Variants in KIAA1217 observed in about 807,000 individuals in gnomAD.
KIAA1217 encodes KIAA1217, also known as sickle tail protein homolog.
In KIAA1217, 88 loss-of-function variants were observed where a neutral mutation model predicts 163.9. The observed-to-expected ratio is 0.54, with a 90% CI of 0.45 to 0.64. The LOEUF is 0.64. Among genes scored for constraint, KIAA1217 ranks in the 30% least tolerant of loss-of-function variants. The pLI is 0.00. For missense variants in KIAA1217, 2,372 were observed against 2,475.0 expected (o/e 0.96, Z 0.88); for synonymous variants, 903 against 923.1 (o/e 0.98, Z 0.39).
intron 1 of KIAA1217, among the ~76,000 whole-genome samples, chr10:23,699,169 G>A (rs973076359): frequency 2.6e-5 from 4 of 152,204 alleles, no homozygotes; most frequent in Non-Finnish European, 5.9e-5. Context: ...CTGAGGACAG[G>A]GCAGCAAAGG....
rs1241004091 is a variant in KIAA1217, at chr10:23,704,146, A to ATGTGTGTGTG, written c.-321+8930_-321+8939dup. Among the ~76,000 whole-genome samples, 41 of 64,862 alleles carry ATGTGTGTGTG rather than the reference A, an allele frequency of 6.3e-4. 1 individual carries two copies. Among genetic ancestry groups the ATGTGTGTGTG allele is most frequent in the South Asian group, 3.2e-3 (5 of 1,556 alleles). The allele number at this position is 64,862 out of a possible 152,430, so 42.6% of individuals were successfully genotyped here. On this transcript the variant is annotated intron_variant, in intron 1 of 18. Transcript: ENST00000376462. ...CATATATGCATGTATGTGTGTGTGTATGTGTGTGTGTGTGTGTGTGTGTGT... is the reference window on the plus strand; with the variant it reads ...CATATATGCATGTATGTGTGTGTGTATGTGTGTGTGTGTGTGTGTGTGTGTGTGTGTGTGT...
chr10:24,106,300 G>A (rs188989852), intron 2 of KIAA1217, among the ~76,000 whole-genome samples: 21 of 152,166 alleles, frequency 1.4e-4, no homozygotes, highest in African/African-American at 5.1e-4. Flanking sequence ...ACTAACCAAT[G>A]AGATATAAGT....
At chr10:24,513,215 C>A (rs774931031) in intron 9 of KIAA1217, 44 bp from the exon 10 acceptor site, 2 of 1,593,646 alleles carry the variant, frequency 1.3e-6, no homozygotes, top group Admixed American at 1.7e-5. Flanking sequence ...GCCTCCATTT[C>A]AGGCAGGCAG....
chr10:23,756,993 T>C (rs191179680), intron 1 of KIAA1217, among the ~76,000 whole-genome samples: 66 of 152,338 alleles, frequency 4.3e-4, no homozygotes, highest in Admixed American at 3.3e-4. Flanking sequence ...TGTGGCTGAC[T>C]TGTTTTGCTT....
chr10:24,449,394 G>A lies in KIAA1217; in HGVS notation c.846+10915G>A, dbSNP rs988977501. On this transcript the variant is annotated intron_variant, in intron 5 of 20. Transcript: ENST00000376454. ...GCCATATTGTATTTATAAACATCACGTGTTTCCTTGATATGGCTTGCAGTT... is the reference window on the plus strand; with the variant it reads ...GCCATATTGTATTTATAAACATCACATGTTTCCTTGATATGGCTTGCAGTT... 7.0e-6 allele frequency: 6 copies of A among 855,032 alleles called. No individual in the cohort carries two copies. The South Asian group carries it at 2.7e-4, about 38-fold the overall frequency. The allele number at this position is 855,032 out of a possible 1,614,324, so 53.0% of individuals were successfully genotyped here.
At chr10:24,179,458 C>T (rs1309398423) in intron 2 of KIAA1217, among the ~76,000 whole-genome samples, 2 of 152,178 alleles carry the variant, frequency 1.3e-5, no homozygotes, top group Non-Finnish European at 2.9e-5. Context: ...GGCTGCTTGC[C>T]CTCCACCTTT....
intron 1 of KIAA1217, among the ~76,000 whole-genome samples, chr10:23,869,274 G>A (rs1840348743): frequency 6.6e-6 from 1 of 151,744 alleles, no homozygotes; most frequent in Non-Finnish European, 1.5e-5. Flanking sequence ...CGTCTTGAAG[G>A]AAAAGTGAGT....
intron 2 of KIAA1217, among the ~76,000 whole-genome samples, chr10:24,337,650 C>CTTTTCT (rs1554821347): frequency 0.033 from 1,328 of 40,680 alleles, 26 homozygotes; most frequent in East Asian, 0.089. Flanking sequence ...CTTTTCTTTT[C>CTTTTCT]TTTTTTTTTT....
chr10:24,423,486 G>A (rs1252806416), intron 3 of KIAA1217, among the ~76,000 whole-genome samples: 1 of 151,718 alleles, frequency 6.6e-6, no homozygotes, highest in Non-Finnish European at 1.5e-5. Context: ...TTGAGAGGGA[G>A]TCTTGCTCTG....
rs947494763 is a variant in KIAA1217, at chr10:24,510,355, G to A, written c.2002-2904G>A. Among the ~76,000 whole-genome samples, 9 of 152,202 alleles carry A rather than the reference G, an allele frequency of 5.9e-5. No homozygotes were observed. In the East Asian group the frequency reaches 9.7e-4, roughly 16 times the overall value. ...CTATCTAACCAGACCCCAGATTTAC[G>A]TAAGCTTGTTTTAAAATTTGGGCAG... On this transcript the variant is annotated intron_variant, in intron 9 of 20. Coordinates refer to ENST00000376454, the MANE Select transcript of KIAA1217 (RefSeq NM_019590.5).
intron 1 of KIAA1217, among the ~76,000 whole-genome samples, chr10:23,849,272 T>G (rs1217089722): frequency 6.6e-6 from 1 of 152,092 alleles, no homozygotes; most frequent in Admixed American, 6.6e-5. Flanking sequence ...GCTAGAAGCT[T>G]GGGCTTTATT....
intron 2 of KIAA1217, among the ~76,000 whole-genome samples, chr10:24,270,662 G>T (rs1037198008): frequency 6.6e-6 from 1 of 151,968 alleles, no homozygotes; most frequent in African/African-American, 2.4e-5. Flanking sequence ...TGCCTCAGCC[G>T]CCTAAGTAAC....
intron 2 of KIAA1217, among the ~76,000 whole-genome samples, chr10:24,182,641 T>A (rs528466742): frequency 6.6e-6 from 1 of 152,278 alleles, no homozygotes; most frequent in South Asian, 2.1e-4. Flanking sequence ...TTAAAGTTAA[T>A]CTATAAACAC....
intron 3 of KIAA1217, among the ~76,000 whole-genome samples, chr10:24,427,706 C>T (rs934216881): frequency 1.3e-5 from 2 of 152,150 alleles, no homozygotes; most frequent in African/African-American, 4.8e-5. Context: ...GAGGCAGAGT[C>T]CCCTGGACAA....
At chr10:24,184,341 T>C (rs1428116586) in intron 2 of KIAA1217, among the ~76,000 whole-genome samples, 1 of 152,208 alleles carries the variant, frequency 6.6e-6, no homozygotes, top group East Asian at 1.9e-4. Context: ...TTGCACTCTT[T>C]ATGTGGCAGT....
At chr10:24,424,852 C>T (rs1381088071) in intron 3 of KIAA1217, among the ~76,000 whole-genome samples, 1 of 152,176 alleles carries the variant, frequency 6.6e-6, no homozygotes, top group Admixed American at 6.6e-5. Context: ...CTGCCCACCT[C>T]GGCCTCCCAC....
intron 2 of KIAA1217, among the ~76,000 whole-genome samples, chr10:24,119,827 G>T (rs542243330): frequency 1.3e-5 from 2 of 152,254 alleles, no homozygotes; most frequent in African/African-American, 4.8e-5. Context: ...GTGCTGTCTG[G>T]CCAATGTCTG....
At chr10:24,425,816 G>A (rs564200361) in intron 3 of KIAA1217, among the ~76,000 whole-genome samples, 23 of 152,332 alleles carry the variant, frequency 1.5e-4, no homozygotes, top group Admixed American at 1.4e-3. Flanking sequence ...ACCCTTCAGA[G>A]AAATGGTATC....
intron 2 of KIAA1217, among the ~76,000 whole-genome samples, chr10:24,130,229 GCAAT>G (rs1403019197): frequency 3.3e-5 from 5 of 152,128 alleles, no homozygotes; most frequent in African/African-American, 4.8e-5. Context: ...GCGCAATGGC[GCAAT>G]CATAGTTCAC....
Sources: allele counts gnomAD v4.1 joint callset (sites outside exome capture counted in the v4.1 genomes callset), GRCh38; gene constraint gnomAD v4.1.1; transcripts MANE v1.5; gene names NCBI Gene and HGNC (gene_info 2026-07-23, HGNC 2026-07-21).